Variants in PIK3R1 observed in about 807,000 individuals in gnomAD.
PIK3R1 encodes phosphatidylinositol 3-kinase regulatory subunit alpha.
PIK3R1 carries 29 observed loss-of-function variants against 98.0 expected under a neutral mutation model. The ratio of observed to expected loss-of-function variants is 0.30; its 90% confidence interval spans 0.22 to 0.40. The LOEUF is 0.40. PIK3R1 is among the 10% of genes least tolerant of loss of function. The pLI, the probability that PIK3R1 is intolerant of heterozygous loss-of-function variation, is 1.00. For missense variants in PIK3R1, 596 were observed against 872.7 expected (o/e 0.68, Z 3.99); for synonymous variants, 282 against 311.8 (o/e 0.90, Z 1.01).
chr5:68,295,004 CAA>C (rs397789500), intron 12 of PIK3R1, 142 bp from the exon 13 acceptor site: 4,335 of 368,826 alleles, frequency 0.012, no homozygotes, highest in South Asian at 0.015. Context: ...TGAGCCACTC[CAA>C]AAAAAAAAAA....
chr5:68,246,559 C>T (rs933607616), intron 2 of PIK3R1, among the ~76,000 whole-genome samples: 2 of 152,330 alleles, frequency 1.3e-5, no homozygotes, highest in African/African-American at 4.8e-5. Context: ...ACGGTCCATC[C>T]GCTTCAGCCT....
intron 2 of PIK3R1, among the ~76,000 whole-genome samples, chr5:68,262,464 CTA>C (rs1249300629): frequency 7.1e-6 from 1 of 141,538 alleles, no homozygotes; most frequent in Non-Finnish European, 1.5e-5. Context: ...ATATATATAT[CTA>C]TATATGTACA....
intron 7 of PIK3R1, among the ~76,000 whole-genome samples, chr5:68,287,512 G>A (rs1747128704): frequency 6.6e-6 from 1 of 152,208 alleles, no homozygotes; most frequent in African/African-American, 2.4e-5. Flanking sequence ...ACTTTCTGGT[G>A]TAAAGTTTGG....
chr5:68,288,284 A>C (rs1239963112), intron 7 of PIK3R1: 6 of 399,150 alleles, frequency 1.5e-5, no homozygotes, highest in Non-Finnish European at 1.8e-5. Context: ...GCCGATGACA[A>C]CTTTGACTTG....
intron 2 of PIK3R1, among the ~76,000 whole-genome samples, chr5:68,248,605 A>T (rs1231295588): frequency 6.6e-6 from 1 of 152,164 alleles, no homozygotes; most frequent in East Asian, 1.9e-4. Flanking sequence ...ATTCTAAGGC[A>T]CTACCCAGAT....
At chr5:68,292,001 C>A (rs770753333) in intron 7 of PIK3R1, 1 of 303,758 alleles carries the variant, frequency 3.3e-6, no homozygotes, top group Non-Finnish European at 6.1e-6. Flanking sequence ...GAAATTTATT[C>A]ACATGGCCAG....
chr5:68,250,586 A>AT (rs1745268070), intron 2 of PIK3R1, among the ~76,000 whole-genome samples: 2 of 152,204 alleles, frequency 1.3e-5, no homozygotes, highest in Non-Finnish European at 2.9e-5. Flanking sequence ...CAATGTAGTC[A>AT]TGCAAAATCA....
intron 4 of PIK3R1, among the ~76,000 whole-genome samples, chr5:68,274,352 A>G (rs1746485937): frequency 6.6e-6 from 1 of 152,184 alleles, no homozygotes; most frequent in African/African-American, 2.4e-5. Context: ...GAATTTGGCT[A>G]CATCTAATTC....
Position 68,301,418 on chromosome 5 carries a change from ATATATATATATATATG to A in PIK3R1, c.*3819_*3834del, listed in dbSNP as rs1244865830. ...TATATATATATATATATATATATAT[ATATATATATATATATG>A]TGTGTGTATATATATATATATGTGT... On this transcript the variant is annotated 3_prime_UTR_variant, in exon 16 of 16. Coordinates refer to ENST00000521381, the MANE Select transcript of PIK3R1 (RefSeq NM_181523.3). 1 of 102,330 alleles carries A rather than the reference ATATATATATATATATG, an allele frequency of 9.8e-6. No individual in the cohort carries two copies. The highest frequency in any genetic ancestry group is 4.6e-5 in the African/African-American group (1 of 21,912). The allele number at this position is 102,330 out of a possible 1,614,324, so 6.3% of individuals were successfully genotyped here.
chr5:68,247,352 C>A (rs558710233), intron 2 of PIK3R1, among the ~76,000 whole-genome samples: 2 of 152,020 alleles, frequency 1.3e-5, no homozygotes, highest in South Asian at 4.1e-4. Flanking sequence ...TGTCTTTCTG[C>A]CTTTCTTTCC....
chr5:68,260,417 G>C (rs34300), intron 2 of PIK3R1, among the ~76,000 whole-genome samples: 1 of 151,990 alleles, frequency 6.6e-6, no homozygotes, highest in Non-Finnish European at 1.5e-5. Flanking sequence ...CAGCAGTGCT[G>C]TGCATGCATG....
Position 68,290,122 on chromosome 5 carries a change from G to A in PIK3R1, c.917-2137G>A, listed in dbSNP as rs375293867. Among the ~76,000 whole-genome samples, 4 of 152,328 alleles carry A rather than the reference G, an allele frequency of 2.6e-5. No homozygotes were observed. The South Asian group carries it at 8.3e-4, about 32-fold the overall frequency. The stretch of plus-strand genomic sequence containing the variant: ...TTTTCTTTTAACTGTCCTTTCTAAT[G>A]TGGTACATTTGTGACAGTGTTTGAA... On this transcript the variant is annotated intron_variant, in intron 7 of 15. Coordinates refer to ENST00000521381, the MANE Select transcript of PIK3R1 (RefSeq NM_181523.3).
intron 2 of PIK3R1, among the ~76,000 whole-genome samples, chr5:68,244,942 G>A (rs1428411292): frequency 6.6e-6 from 1 of 152,108 alleles, no homozygotes; most frequent in Non-Finnish European, 1.5e-5. Flanking sequence ...CTTGGCACAA[G>A]GAATAATTTT....
intron 2 of PIK3R1, among the ~76,000 whole-genome samples, chr5:68,263,112 CATAGATAT>C (rs1561279498): frequency 8.2e-6 from 1 of 121,616 alleles, no homozygotes; most frequent in Non-Finnish European, 1.7e-5. Flanking sequence ...TAGATACATA[CATAGATAT>C]ATAGATACAT....
chr5:68,292,626 G>T (rs771997912), intron 8 of PIK3R1: 9 of 1,420,162 alleles, frequency 6.3e-6, no homozygotes, highest in Non-Finnish European at 8.3e-6. Flanking sequence ...TAAGAACAGA[G>T]TGTGAAGGCA....
chr5:68,294,145 G>A (rs1366773170), intron 11 of PIK3R1, among the ~76,000 whole-genome samples: 1 of 152,194 alleles, frequency 6.6e-6, no homozygotes, highest in Non-Finnish European at 1.5e-5. Context: ...TCACAGACTT[G>A]TCTAATCCCT....
rs2112189271 is a variant in PIK3R1 at position 68,279,621 on chromosome 5, G to T, written c.522G>T (p.Leu174Phe). 6.2e-7 allele frequency: 1 copy of T among 1,613,502 alleles called. No homozygotes were observed. Among genetic ancestry groups the T allele is most frequent in the Non-Finnish European group, 8.5e-7 (1 of 1,179,754 alleles). Residue 174 changes from leucine to phenylalanine, a missense_variant, in exon 5 of 16, where the codon TTG (leucine) becomes TTT (phenylalanine). Physicochemically the swap from Leu to Phe is conservative, Grantham distance 22. This residue lies in a region of PIK3R1 where 352 missense variants were observed against 393.3 expected (regional missense o/e 0.90). Transcript: ENST00000521381. ...LLDCDTPSVD[L>F]EMIDVHVLAD... is the part of the protein sequence containing the mutation. ...TCCTAGATACACCCTCCGTGGACTT[G>T]GAAATGATCGATGTGCACGTTTTGG...
At chr5:68,274,279 A>G (rs1362441015) in intron 4 of PIK3R1, among the ~76,000 whole-genome samples, 1 of 152,170 alleles carries the variant, frequency 6.6e-6, no homozygotes, top group Non-Finnish European at 1.5e-5. Context: ...GGTCCTGCAG[A>G]GGAGAGAAAC....
intron 2 of PIK3R1, among the ~76,000 whole-genome samples, chr5:68,271,307 A>C (rs1467689741): frequency 6.6e-6 from 1 of 152,170 alleles, no homozygotes; most frequent in Non-Finnish European, 1.5e-5. Flanking sequence ...CTTCTATGAA[A>C]CCTAAGATGT....
Sources: gnomAD v4.1 joint callset for allele counts (sites outside exome capture counted in the v4.1 genomes callset) on GRCh38, gnomAD v4.1.1 for gene constraint, gnomAD v4.1.1 regional missense constraint, MANE v1.5 for transcripts, NCBI Gene and HGNC (gene_info 2026-07-23, HGNC 2026-07-21) for gene names.